Variants in NTSR1 observed in about 807,000 individuals in gnomAD.
NTSR1 encodes neurotensin receptor 1.
Under a neutral mutation model 31.2 loss-of-function variants are expected in NTSR1, and 29 were observed. The observed-to-expected ratio is 0.93, with a 90% CI of 0.69 to 1.27. The LOEUF is 1.27. NTSR1 is among the 50% of genes most tolerant of loss of function. The probability of loss-of-function intolerance (pLI) is 0.00; values close to 1 mark genes in which losing one functional copy is unlikely to be tolerated. For synonymous variants in NTSR1, 282 were observed against 269.9 expected (o/e 1.04, Z -0.44); for missense variants, 697 against 595.4 (o/e 1.17, Z -1.78).
At chr20:62,738,079 C>CCTTTCCCCGCAGTGCCCA (rs1555811684) in intron 1 of NTSR1, among the ~76,000 whole-genome samples, 1 of 152,072 alleles carries the variant, frequency 6.6e-6, no homozygotes, top group East Asian at 1.9e-4. Flanking sequence ...CCTCCCCCTC[C>CCTTTCCCCGCAGTGCCCA]TCTGCCTATG....
intron 1 of NTSR1, among the ~76,000 whole-genome samples, chr20:62,737,146 G>A (rs1989110518): frequency 6.6e-6 from 1 of 152,208 alleles, no homozygotes; most frequent in Non-Finnish European, 1.5e-5. Context: ...GTCTTTCCCG[G>A]ATGGATGGTG....
rs948920600 is a variant in NTSR1, at chr20:62,745,411, G to A, written c.715-9274G>A. On this transcript the variant is annotated intron_variant, in intron 1 of 3. Transcript: ENST00000370501. The surrounding 1 kb of genome is among the most constrained non-coding windows in gnomAD (Gnocchi z 4.1). ...TATAGAGATAGAGACACAGACTCAG[G>A]AAAACAGACAGAGAGAGACACAGGA... Among the ~76,000 whole-genome samples the A allele has an allele frequency of 2.0e-5, 3 of 151,570 alleles. No individual in the cohort carries two copies. Among genetic ancestry groups the A allele is most frequent in the Non-Finnish European group, 4.4e-5 (3 of 67,878 alleles).
At position 62,745,004 on chromosome 20, in the gene NTSR1, A is replaced by C. The variant is rs1394673887; in HGVS notation, c.715-9681A>C. Among the ~76,000 whole-genome samples the C allele has an allele frequency of 1.3e-5, 2 of 152,218 alleles. No individual in the cohort carries two copies. Among genetic ancestry groups the C allele is most frequent in the East Asian group, 3.9e-4 (2 of 5,180 alleles). ...GAGGCAGCCCCACCTCCAGACCACCACGGCTGTCACAGCAGACACCCCTGT... is the reference window on the plus strand; with the variant it reads ...GAGGCAGCCCCACCTCCAGACCACCCCGGCTGTCACAGCAGACACCCCTGT... On this transcript the variant is annotated intron_variant, in intron 1 of 3. Transcript: ENST00000370501. The surrounding 1 kb of genome is among the most constrained non-coding windows in gnomAD (Gnocchi z 4.1).
chr20:62,712,695 G>A (rs562659296), intron 1 of NTSR1, among the ~76,000 whole-genome samples: 1 of 152,336 alleles, frequency 6.6e-6, no homozygotes, highest in South Asian at 2.1e-4. Context: ...GGACCTACGG[G>A]TGCCCCTGGG....
Position 62,745,612 on chromosome 20 carries a change from C to CAGAAAAACACAG in NTSR1, c.715-9057_715-9046dup, listed in dbSNP as rs367910919. Among the ~76,000 whole-genome samples the CAGAAAAACACAG allele has an allele frequency of 1.3e-5, 2 of 149,284 alleles. No homozygotes were observed. Among genetic ancestry groups the CAGAAAAACACAG allele is most frequent in the Non-Finnish European group, 2.9e-5 (2 of 67,804 alleles). On this transcript the variant is annotated intron_variant, in intron 1 of 3. Transcript: ENST00000370501. The surrounding 1 kb of genome is among the most constrained non-coding windows in gnomAD (Gnocchi z 4.1). ...GAAAACATACAAGGAGACAGAGACA[C>CAGAAAAACACAG]AGAAAAACACAGAGAAAAACACAGA...
chr20:62,709,411 C>T lies in NTSR1; in HGVS notation c.204C>T (p.Ala68=), dbSNP rs1384797914. ...TCTACTCCAAGGTGCTGGTGACCGC[C>T]GTGTACCTGGCGCTCTTCGTGGTGG... ...TDIYSKVLVT[A]VYLALFVVGT... The change falls in exon 1 of 4, where the codon GCC becomes GCT. Residue 68 remains alanine, a synonymous_variant. Transcript: ENST00000370501. 1.2e-6 allele frequency: 2 copies of T among 1,610,954 alleles called. No individual in the cohort carries two copies. The highest frequency in any genetic ancestry group is 1.1e-5 in the South Asian group (1 of 90,962).
At position 62,762,590 on chromosome 20, in the gene NTSR1, C is replaced by T. The variant is rs956461359; in HGVS notation, c.*2323C>T. ...TTGCGGCCAGGTCATGATGTGGCCC[C>T]GGAAGCTGGCCCTGCGTGCCATGAG... On this transcript the variant is annotated 3_prime_UTR_variant, in exon 4 of 4. Transcript: ENST00000370501. 3.9e-4 allele frequency: 60 copies of T among 152,246 alleles called. No individual in the cohort carries two copies. The highest frequency in any genetic ancestry group is 1.3e-3 in the African/African-American group (55 of 41,518). 9.4% of individuals were successfully genotyped at this position (152,246 alleles called of 1,614,324 possible). A position where few individuals can be genotyped will look rare whatever the true frequency, so the allele number is the denominator to read the frequency against.
In NTSR1 at chr20:62,709,286, G is replaced by C. The variant is rs370069227; in HGVS notation, c.79G>C (p.Glu27Gln). ...DPFQRAQAGL[E>Q]EALLAPGFGN... ...CTTCCAGCGGGCGCAGGCCGGACTG[G>C]AGGAGGCGCTGCTGGCCCCGGGCTT... The change falls in exon 1 of 4, where the codon GAG (glutamate) becomes CAG (glutamine). Residue 27 changes from glutamate to glutamine, a missense_variant. Transcript: ENST00000370501. The C allele has an allele frequency of 1.9e-6, 3 of 1,587,194 alleles. No homozygotes were observed. In the African/African-American group the frequency reaches 4.0e-5, roughly 21 times the overall value.
At chr20:62,726,692 C>T (rs1440057554) in intron 1 of NTSR1, among the ~76,000 whole-genome samples, 5 of 74,288 alleles carry the variant, frequency 6.7e-5, no homozygotes, top group Non-Finnish European at 1.8e-4. Flanking sequence ...AGGAACCTGT[C>T]TCAAAAAAAA....
intron 1 of NTSR1, among the ~76,000 whole-genome samples, chr20:62,738,437 C>T (rs935759776): frequency 2.6e-5 from 4 of 152,366 alleles, no homozygotes; most frequent in African/African-American, 4.8e-5. Flanking sequence ...GGGGAGGCCT[C>T]GTTTCCTAAA....
At chr20:62,727,633 G>A (rs1420959246) in intron 1 of NTSR1, among the ~76,000 whole-genome samples, 6 of 152,248 alleles carry the variant, frequency 3.9e-5, no homozygotes, top group Non-Finnish European at 7.3e-5. Context: ...GTGGCTGGAC[G>A]TGGATTTCCT....
rs954159866 is a variant in NTSR1 at position 62,733,070 on chromosome 20, A to C, written c.715-21615A>C. The C allele has an allele frequency of 7.2e-6, 1 of 138,816 alleles. No individual in the cohort carries two copies. The highest frequency in any genetic ancestry group is 2.9e-5 in the African/African-American group (1 of 34,718). The allele number at this position is 138,816 out of a possible 1,614,324, so 8.6% of individuals were successfully genotyped here. A position where few individuals can be genotyped will look rare whatever the true frequency, so the allele number is the denominator to read the frequency against. On this transcript the variant is annotated intron_variant, in intron 1 of 3. Transcript: ENST00000370501. This position sits in a 1 kb window ranked among gnomAD's most constrained non-coding sequence, Gnocchi z 5.2. ...CACATCACCCGCAGGCGTGGCCCTG[A>C]GGCCACGTATCCAAGCAGCAGTGCC...
intron 1 of NTSR1, among the ~76,000 whole-genome samples, chr20:62,712,898 T>G (rs1988643934): frequency 6.6e-6 from 1 of 152,170 alleles, no homozygotes; most frequent in South Asian, 2.1e-4. Context: ...GCCCAGATGG[T>G]GGGTCATCAG....
rs75147111 is a variant in NTSR1 at position 62,738,811 on chromosome 20, C to A, written c.715-15874C>A. Among the ~76,000 whole-genome samples the A allele has an allele frequency of 3.4e-3, 514 of 152,338 alleles. 5 individuals are homozygous for A. The highest frequency in any genetic ancestry group is 0.012 in the African/African-American group (495 of 41,570). ...CAGAGATGGCGGAGGGTCTAGGTCTCAGGCCAGAGATCTCCAAAATGGACC... is the reference window on the plus strand; with the variant it reads ...CAGAGATGGCGGAGGGTCTAGGTCTAAGGCCAGAGATCTCCAAAATGGACC... On this transcript the variant is annotated intron_variant, in intron 1 of 3. Coordinates refer to ENST00000370501, the MANE Select transcript of NTSR1 (RefSeq NM_002531.3).
intron 1 of NTSR1, among the ~76,000 whole-genome samples, chr20:62,737,200 C>T (rs1470482766): frequency 6.6e-6 from 1 of 152,162 alleles, no homozygotes; most frequent in Non-Finnish European, 1.5e-5. Context: ...CAACCCAGAC[C>T]CACCTGGAGT....
chr20:62,710,540 C>T lies in NTSR1; in HGVS notation c.714+619C>T, dbSNP rs541363608. On this transcript the variant is annotated intron_variant, in intron 1 of 3. Coordinates refer to ENST00000370501, the MANE Select transcript of NTSR1 (RefSeq NM_002531.3). ...GAAGGGCTCACAGGCACTATTATTG[C>T]GGGATGGTGGGGACGATGTTTCTGC... 7.9e-5 allele frequency among the ~76,000 whole-genome samples: 12 copies of T among 152,196 alleles called. No homozygotes were observed. In the South Asian group the frequency reaches 1.7e-3, roughly 21 times the overall value.
chr20:62,759,396 T>G (rs1016799214), intron 3 of NTSR1, among the ~76,000 whole-genome samples: 3 of 152,062 alleles, frequency 2.0e-5, no homozygotes, highest in Non-Finnish European at 4.4e-5. Flanking sequence ...CCTGGACCCT[T>G]GGATGCACAG....
intron 1 of NTSR1, among the ~76,000 whole-genome samples, chr20:62,710,607 GTGA>G (rs1384786112): frequency 6.6e-6 from 1 of 152,108 alleles, no homozygotes; most frequent in African/African-American, 2.4e-5. Flanking sequence ...CGGTGTTGTG[GTGA>G]GGTGTGTAAA....
intron 1 of NTSR1, among the ~76,000 whole-genome samples, chr20:62,731,492 T>C (rs1374479297): frequency 3.9e-5 from 6 of 152,244 alleles, no homozygotes; most frequent in African/African-American, 1.4e-4. Flanking sequence ...ACCTAGATTT[T>C]ATACCCAAGA....
Sources: allele counts gnomAD v4.1 joint callset (sites outside exome capture counted in the v4.1 genomes callset), GRCh38; gene constraint gnomAD v4.1.1; non-coding constraint Gnocchi (gnomAD v3.1); transcripts MANE v1.5; gene names NCBI Gene and HGNC (gene_info 2026-07-23, HGNC 2026-07-21).